GALNTL6: variants seen among roughly 807,000 people sequenced by gnomAD.
The protein encoded by GALNTL6 is polypeptide N-acetylgalactosaminyltransferase like 6, also known as polypeptide N-acetylgalactosaminyltransferase-like 6.
A neutral mutation model predicts 73.7 loss-of-function variants in GALNTL6; 46 were observed. That is an observed-to-expected ratio of 0.62 (90% CI 0.49 to 0.80). GALNTL6 has a LOEUF of 0.80. Among genes scored for constraint, GALNTL6 ranks in the 30% least tolerant of loss-of-function variants. The pLI is 0.00. For missense variants in GALNTL6, 604 were observed against 755.0 expected (o/e 0.80, Z 2.34); for synonymous variants, 259 against 263.7 (o/e 0.98, Z 0.17).
intron 2 of GALNTL6, among the ~76,000 whole-genome samples, chr4:171,929,290 T>C (rs1344282099): frequency 6.6e-6 from 1 of 152,212 alleles, no homozygotes; most frequent in African/African-American, 2.4e-5. Context: ...CAGTCTGGTC[T>C]TGAATTCCTG....
chr4:172,025,037 A>G (rs1367449721), intron 2 of GALNTL6, among the ~76,000 whole-genome samples: 3 of 151,968 alleles, frequency 2.0e-5, no homozygotes, highest in African/African-American at 7.2e-5. Flanking sequence ...AAGGCATTTA[A>G]TAAGGTGACC....
chr4:172,322,232 G>A (rs567167075), intron 4 of GALNTL6, among the ~76,000 whole-genome samples: 12 of 152,246 alleles, frequency 7.9e-5, no homozygotes, highest in Non-Finnish European at 1.0e-4. Context: ...TCTTCTATGC[G>A]TAGTTCACTT....
chr4:172,111,867 A>T (rs958505126), intron 2 of GALNTL6, among the ~76,000 whole-genome samples: 1 of 149,744 alleles, frequency 6.7e-6, no homozygotes, highest in African/African-American at 2.4e-5. Flanking sequence ...TTACATTATC[A>T]TCATTCTTCA....
At chr4:172,674,662 C>A (rs1371593653) in intron 5 of GALNTL6, among the ~76,000 whole-genome samples, 1 of 152,082 alleles carries the variant, frequency 6.6e-6, no homozygotes, top group Non-Finnish European at 1.5e-5. Context: ...TTGTTCATTC[C>A]TTTTCCTTTT....
intron 5 of GALNTL6, among the ~76,000 whole-genome samples, chr4:172,770,440 T>G (rs1417153571): frequency 6.6e-6 from 1 of 152,140 alleles, no homozygotes; most frequent in East Asian, 1.9e-4. Flanking sequence ...AAAGTCTAAG[T>G]GTACTTAAAT....
intron 7 of GALNTL6, among the ~76,000 whole-genome samples, chr4:172,853,290 CCA>C: frequency 6.6e-6 from 1 of 152,306 alleles, no homozygotes; most frequent in South Asian, 2.1e-4. Context: ...CACTTCCTTG[CCA>C]TGAGGGGTGC....
intron 2 of GALNTL6, among the ~76,000 whole-genome samples, chr4:171,983,124 C>G (rs1739955487): frequency 6.6e-6 from 1 of 152,294 alleles, no homozygotes; most frequent in Admixed American, 6.5e-5. Flanking sequence ...CATCCTCCCC[C>G]TTGTCTAAAT....
chr4:172,181,553 T>G (rs1386436715), intron 2 of GALNTL6, among the ~76,000 whole-genome samples: 1 of 152,040 alleles, frequency 6.6e-6, no homozygotes, highest in Non-Finnish European at 1.5e-5. Flanking sequence ...AAGGATGCCC[T>G]CTCTCACCAC....
chr4:172,830,585 C>T (rs767019986), intron 7 of GALNTL6, among the ~76,000 whole-genome samples: 1 of 152,150 alleles, frequency 6.6e-6, no homozygotes, highest in South Asian at 2.1e-4. Context: ...ACATCCAGGC[C>T]GGATGCCCAA....
At chr4:172,340,432 G>A (rs1194185420) in intron 4 of GALNTL6, among the ~76,000 whole-genome samples, 1 of 152,154 alleles carries the variant, frequency 6.6e-6, no homozygotes, top group Non-Finnish European at 1.5e-5. Flanking sequence ...ATGTTCATCA[G>A]AGATATTGGC....
intron 5 of GALNTL6, among the ~76,000 whole-genome samples, chr4:172,731,859 C>T (rs1736169021): frequency 6.6e-6 from 1 of 151,964 alleles, no homozygotes; most frequent in Non-Finnish European, 1.5e-5. Flanking sequence ...CAGGGTTCAT[C>T]TTGTTTTTTA....
intron 2 of GALNTL6, among the ~76,000 whole-genome samples, chr4:171,869,055 G>A (rs909573462): frequency 6.6e-6 from 1 of 152,122 alleles, no homozygotes; most frequent in Non-Finnish European, 1.5e-5. Context: ...ATGTAAACGG[G>A]AAGATATAAC....
chr4:172,194,241 G>C (rs547604890), intron 2 of GALNTL6, among the ~76,000 whole-genome samples: 17 of 152,320 alleles, frequency 1.1e-4, no homozygotes, highest in Middle Eastern at 3.4e-3. Context: ...GAATCTCAGA[G>C]CTTGAAGACT....
chr4:172,693,904 G>A (rs1411008212), intron 5 of GALNTL6, among the ~76,000 whole-genome samples: 2 of 152,192 alleles, frequency 1.3e-5, no homozygotes, highest in Non-Finnish European at 2.9e-5. Context: ...TTTTTATTCA[G>A]TTATAATGTA....
At chr4:172,560,852 C>A (rs1435090650) in intron 5 of GALNTL6, among the ~76,000 whole-genome samples, 2 of 152,178 alleles carry the variant, frequency 1.3e-5, no homozygotes, top group Non-Finnish European at 2.9e-5. Flanking sequence ...CATGGTCCTG[C>A]ATATGCTCCT....
chr4:172,744,672 G>C lies in GALNTL6; in HGVS notation c.554-64689G>C, dbSNP rs1299290383. On this transcript the variant is annotated intron_variant, in intron 5 of 12. Coordinates refer to ENST00000506823, the MANE Select transcript of GALNTL6 (RefSeq NM_001034845.3). Reference sequence around the variant, plus strand: ...CTTTGATTTCCACTTTATCCTTTGTGCCTATTGTGGTGACTGCCTCCACCT... The same window carrying C: ...CTTTGATTTCCACTTTATCCTTTGTCCCTATTGTGGTGACTGCCTCCACCT... 2.6e-5 allele frequency among the ~76,000 whole-genome samples: 4 copies of C among 152,154 alleles called. No homozygotes were observed. The East Asian group carries it at 5.8e-4, about 22-fold the overall frequency.
Position 172,876,649 on chromosome 4 carries a change from C to A in GALNTL6, c.924-6141C>A, listed in dbSNP as rs536084804. 1.6e-4 allele frequency among the ~76,000 whole-genome samples: 25 copies of A among 152,096 alleles called. No homozygotes were observed. The South Asian group carries it at 5.0e-3, about 30-fold the overall frequency. On this transcript the variant is annotated intron_variant, in intron 7 of 12. Transcript: ENST00000506823. ...ACCAGGAGAATAGTCCTCTCTTATC[C>A]CCATAGAACCTCGTGACACCATAAA...
intron 5 of GALNTL6, among the ~76,000 whole-genome samples, chr4:172,572,314 G>T (rs186533242): frequency 1.2e-3 from 179 of 152,282 alleles, no homozygotes; most frequent in African/African-American, 4.1e-3. Context: ...AATCTGAGCT[G>T]AGAACCTCAC....
chr4:172,006,177 G>A (rs750478577), intron 2 of GALNTL6, among the ~76,000 whole-genome samples: 5 of 152,158 alleles, frequency 3.3e-5, no homozygotes, highest in Non-Finnish European at 5.9e-5. Context: ...CAGAGGACAC[G>A]ATTGAAATGC....
Sources: gnomAD v4.1 joint callset for allele counts (sites outside exome capture counted in the v4.1 genomes callset) on GRCh38, gnomAD v4.1.1 for gene constraint, MANE v1.5 for transcripts, NCBI Gene and HGNC (gene_info 2026-07-23, HGNC 2026-07-21) for gene names.